SPANXN2: variants seen among roughly 807,000 people sequenced by gnomAD.
The protein encoded by SPANXN2 is SPANX family member N2.
SPANXN2 carries 1 observed loss-of-function variant against 2.0 expected under a neutral mutation model. The ratio of observed to expected loss-of-function variants is 0.50; its 90% CI spans 0.18 to 2.36. SPANXN2 has a LOEUF of 2.36. Ranked by LOEUF, SPANXN2 falls within the 30% of genes most tolerant of loss-of-function variation. The pLI is 0.26. For synonymous variants in SPANXN2, 43 were observed against 49.8 expected (o/e 0.86, Z 0.58); for missense variants, 88 against 116.7 (o/e 0.75, Z 1.13).
At chrX:143,712,167 C>T in exon 2 of SPANXN2, 1 of 1,153,633 alleles carries the variant, frequency 8.7e-7, no homozygotes. Context: ...GGTCTTCGTC[C>T]TCCTGTGAAG....
rs782476044 is a variant in SPANXN2 at position 143,712,124 on chromosome X, C to T, written c.454G>A (p.Glu152Lys). 8.3e-6 allele frequency: 10 copies of T among 1,211,315 alleles called. No individual in the cohort carries two copies. Among genetic ancestry groups the T allele is most frequent in the Middle Eastern group, 4.6e-4 (2 of 4,356 alleles). Residue 152 changes from glutamate (E) to lysine (K), a missense_variant, in exon 2 of 2, where the codon GAA becomes AAA. By Grantham distance (56) the Glu-to-Lys change is moderately conservative. Around this residue, in one of 2 missense-constraint regions of SPANXN2, gnomAD observed 29 missense variants for 60.3 expected, o/e 0.48. Transcript: ENST00000598475. ...GATCCTTCAGGTGGGTCCAGGTCTTCGTCCTCCTGTGAAGATCCTTCAGAT... is the reference window on the plus strand; with the variant it reads ...GATCCTTCAGGTGGGTCCAGGTCTTTGTCCTCCTGTGAAGATCCTTCAGAT...
rs149807057 is a variant in SPANXN2, at chrX:143,712,054, T to C, written c.524A>G (p.Gln175Arg). 1.1e-5 allele frequency: 13 copies of C among 1,211,177 alleles called. No individual in the cohort carries two copies. The highest frequency in any genetic ancestry group is 1.3e-5 in the Non-Finnish European group (12 of 895,393). Residue 175 changes from glutamine to arginine, a missense_variant, in exon 2 of 2, where the codon CAG (glutamine) becomes CGG (arginine). Coordinates refer to ENST00000598475, the Ensembl canonical transcript of SPANXN2. Reference sequence around the variant, plus strand: ...GTTTGACTAGTCCTCCCCACCCTCCTGTGAAGATCCTTCAGATGAGTCTAG... The same window carrying C: ...GTTTGACTAGTCCTCCCCACCCTCCCGTGAAGATCCTTCAGATGAGTCTAG...
At chrX:143,719,078 C>T (rs1556450432) in intron 1 of SPANXN2, among the ~76,000 whole-genome samples, 1 of 111,233 alleles carries the variant, frequency 9.0e-6, no homozygotes, top group Non-Finnish European at 1.9e-5. Context: ...CCAATTCATT[C>T]GCAAAACCTG....
chrX:143,718,085 C>T (rs1167202850), intron 1 of SPANXN2, among the ~76,000 whole-genome samples: 2 of 111,114 alleles, frequency 1.8e-5, no homozygotes, highest in Non-Finnish European at 3.8e-5. Flanking sequence ...CTTACCACTC[C>T]GAATCTTCAG....
At chrX:143,718,531 C>A (rs782212501) in intron 1 of SPANXN2, among the ~76,000 whole-genome samples, 42 of 111,637 alleles carry the variant, frequency 3.8e-4, no homozygotes, top group Admixed American at 9.5e-5. Context: ...ACACTGAATG[C>A]ACATTTCAAA....
chrX:143,719,765 A>C (rs1378706639), intron 1 of SPANXN2, among the ~76,000 whole-genome samples: 1 of 110,803 alleles, frequency 9.0e-6, no homozygotes, highest in Non-Finnish European at 1.9e-5. Flanking sequence ...CAGGCTGTAC[A>C]TCTCATTCTA....
At chrX:143,712,286 C>T (rs1932175738) in exon 2 of SPANXN2, 1 of 1,212,303 alleles carries the variant, frequency 8.2e-7, no homozygotes, top group Non-Finnish European at 1.1e-6. Flanking sequence ...TCTTCGTCCT[C>T]CTGTGAAGAT....
At chrX:143,713,698 C>T (rs184545722) in intron 1 of SPANXN2, among the ~76,000 whole-genome samples, 2 of 111,394 alleles carry the variant, frequency 1.8e-5, no homozygotes, top group East Asian at 2.8e-4. Flanking sequence ...CTGGAGTACT[C>T]GCTCACCCCT....
intron 1 of SPANXN2, among the ~76,000 whole-genome samples, chrX:143,715,191 C>T (rs1157270065): frequency 1.8e-5 from 2 of 111,239 alleles, no homozygotes; most frequent in African/African-American, 3.3e-5. Flanking sequence ...CTCTAGTAAG[C>T]CCATGTCTTT....
At chrX:143,713,900 TC>T (rs1932210945) in intron 1 of SPANXN2, among the ~76,000 whole-genome samples, 2 of 48,132 alleles carry the variant, frequency 4.2e-5, no homozygotes, top group African/African-American at 1.2e-4. Context: ...TCACTCTCTC[TC>T]TCTCTCTCTC....
intron 1 of SPANXN2, among the ~76,000 whole-genome samples, chrX:143,715,541 AT>A (rs1280413401): frequency 1.8e-5 from 2 of 108,890 alleles, no homozygotes; most frequent in African/African-American, 6.7e-5. Context: ...CCTTCTGTTA[AT>A]TCTAAAGCTT....
Position 143,712,732 on chromosome X carries a change from C to T in SPANXN2, c.79-233G>A, listed in dbSNP as rs146810354. 1.5e-3 allele frequency among the ~76,000 whole-genome samples: 162 copies of T among 111,437 alleles called. 2 individuals carry two copies. The highest frequency in any genetic ancestry group is 5.1e-3 in the African/African-American group (156 of 30,648). On this transcript the variant is annotated intron_variant, in intron 1 of 1. Transcript: ENST00000598475. ...ATTTCGCAAGTTCTTTGCTATTTTG[C>T]AGACCTTGGTCAAAGTGAGACACTC...
At chrX:143,716,003 G>C (rs1408539514) in intron 1 of SPANXN2, among the ~76,000 whole-genome samples, 1 of 111,288 alleles carries the variant, frequency 9.0e-6, no homozygotes, top group Non-Finnish European at 1.9e-5. Flanking sequence ...ACTCTTACAG[G>C]ACTTACACAT....
At chrX:143,713,626 T>G (rs1569482335) in intron 1 of SPANXN2, among the ~76,000 whole-genome samples, 1 of 110,865 alleles carries the variant, frequency 9.0e-6, no homozygotes, top group Non-Finnish European at 1.9e-5. Flanking sequence ...GCCCCAACTC[T>G]CCAGGTCCCT....
intron 1 of SPANXN2, among the ~76,000 whole-genome samples, chrX:143,718,792 ATGAC>A (rs1602681150): frequency 9.0e-6 from 1 of 111,228 alleles, no homozygotes; most frequent in African/African-American, 3.3e-5. Context: ...TCAAGGAGAT[ATGAC>A]TTCAGGGCAC....
intron 1 of SPANXN2, among the ~76,000 whole-genome samples, chrX:143,712,706 G>A (rs782120899): frequency 1.5e-4 from 17 of 111,140 alleles, no homozygotes; most frequent in South Asian, 3.8e-4. Flanking sequence ...CAAACTGCAC[G>A]ATTTCGCAAG....
rs201934716 is a variant in SPANXN2, at chrX:143,712,428, T to A, written c.150A>T (p.Leu50=). ...TCCTGTAGTAATACACTATTATTGTTAGATATTCTATTGTTTTTGTCTTTT... is the reference window on the plus strand; with the variant it reads ...TCCTGTAGTAATACACTATTATTGTAAGATATTCTATTGTTTTTGTCTTTT... The change falls in exon 2 of 2, where the codon CTA becomes CTT. Residue 50 remains leucine (L), a synonymous_variant. Coordinates refer to ENST00000598475, the Ensembl canonical transcript of SPANXN2. 4.1e-6 allele frequency: 5 copies of A among 1,211,278 alleles called. No individual in the cohort carries two copies. The African/African-American group carries it at 6.9e-5, about 17-fold the overall frequency.
intron 1 of SPANXN2, among the ~76,000 whole-genome samples, chrX:143,719,986 C>T (rs1932335353): frequency 2.7e-5 from 3 of 110,930 alleles, no homozygotes; most frequent in South Asian, 3.9e-4. Flanking sequence ...CTGCCAAGTC[C>T]GGTACCAGTG....
At chrX:143,713,892 ACTCT>A (rs58045166) in intron 1 of SPANXN2, among the ~76,000 whole-genome samples, 38,249 of 87,038 alleles carry the variant, frequency 0.44, 7,380 homozygotes, top group East Asian at 0.74. Flanking sequence ...TTCATGCCTC[ACTCT>A]CTCTCTCTCT....
Sources: gnomAD v4.1 joint callset for allele counts (sites outside exome capture counted in the v4.1 genomes callset) on GRCh38, gnomAD v4.1.1 for gene constraint, gnomAD v4.1.1 regional missense constraint, MANE v1.5 for transcripts, NCBI Gene and HGNC (gene_info 2026-07-23, HGNC 2026-07-21) for gene names.